Variants in LDLRAD3 observed in about 807,000 individuals in gnomAD.
LDLRAD3 encodes the protein low-density lipoprotein receptor class A domain-containing protein 3.
Under a neutral mutation model 29.4 loss-of-function variants are expected in LDLRAD3, and 20 were observed. The observed-to-expected ratio is 0.68, with a 90% confidence interval of 0.48 to 0.99. The LOEUF is 0.99. Among genes scored for constraint, LDLRAD3 ranks in the 50% least tolerant of loss-of-function variants. The pLI is 0.00. For missense variants in LDLRAD3, 420 were observed against 454.3 expected, an observed-to-expected ratio of 0.92 and a Z score of 0.69; for synonymous variants, 157 against 192.7, an observed-to-expected ratio of 0.81 and a Z score of 1.53.
chr11:36,051,555 A>G (rs1019117522), intron 2 of LDLRAD3, among the ~76,000 whole-genome samples: 1 of 152,186 alleles, frequency 6.6e-6, no homozygotes, highest in African/African-American at 2.4e-5. Context: ...CATTCAATAA[A>G]TGTTTGTTGC....
chr11:36,036,899 G>A (rs1383502218), intron 2 of LDLRAD3, among the ~76,000 whole-genome samples: 3 of 152,038 alleles, frequency 2.0e-5, no homozygotes, highest in African/African-American at 2.4e-5. Context: ...GTTTCATGAC[G>A]CCGAAACATG....
chr11:36,047,608 G>A (rs143595701), intron 2 of LDLRAD3, among the ~76,000 whole-genome samples: 45 of 152,304 alleles, frequency 3.0e-4, no homozygotes, highest in African/African-American at 1.1e-3. Context: ...TGCACCATGT[G>A]TGTATGTTTT....
Position 35,944,775 on chromosome 11 carries a change from C to T in LDLRAD3, c.46+631C>T, listed in dbSNP as rs931061901. Among the ~76,000 whole-genome samples the T allele has an allele frequency of 2.0e-5, 3 of 152,220 alleles. No individual in the cohort carries two copies. The highest frequency in any genetic ancestry group is 4.8e-5 in the African/African-American group (2 of 41,464). On this transcript the variant is annotated intron_variant, in intron 1 of 5. Coordinates refer to ENST00000315571, the MANE Select transcript of LDLRAD3 (RefSeq NM_174902.4). This position sits in a 1 kb window ranked among gnomAD's most constrained non-coding sequence, Gnocchi z 4.9. The stretch of plus-strand genomic sequence containing the variant: ...GGAACCGAAGCTTTATTTAAGACGT[C>T]TGACCACCCTACTTGCCCCGCGATG...
chr11:36,025,448 G>A (rs1259503615), intron 1 of LDLRAD3, among the ~76,000 whole-genome samples: 2 of 150,762 alleles, frequency 1.3e-5, no homozygotes, highest in African/African-American at 4.9e-5. Context: ...GAGTGCAGTG[G>A]TGTGATCTCA....
In LDLRAD3 at chr11:36,213,910, C is replaced by CGA. The variant is rs1300723333; in HGVS notation, c.455-13174_455-13173insAG. ...ATCTAGTGTGAAGGGTCAGACTCTT[C>CGA]GTCCAGGTAAAAGGAAACTACAGAA... On this transcript the variant is annotated intron_variant, in intron 4 of 5. Coordinates refer to ENST00000315571, the MANE Select transcript of LDLRAD3 (RefSeq NM_174902.4). The surrounding 1 kb of genome is among the most constrained non-coding windows in gnomAD (Gnocchi z 4.1). Among the ~76,000 whole-genome samples, 3 of 152,172 alleles carry CGA rather than the reference C, an allele frequency of 2.0e-5. No individual in the cohort carries two copies. Among genetic ancestry groups the CGA allele is most frequent in the Non-Finnish European group, 2.9e-5 (2 of 68,030 alleles).
intron 2 of LDLRAD3, among the ~76,000 whole-genome samples, chr11:36,075,669 C>A (rs574704429): frequency 2.0e-5 from 3 of 152,308 alleles, no homozygotes; most frequent in African/African-American, 7.2e-5. Context: ...TGGTGACTTT[C>A]TGTTTCCTGC....
chr11:36,037,401 C>T (rs977329275), intron 2 of LDLRAD3, among the ~76,000 whole-genome samples: 2 of 152,136 alleles, frequency 1.3e-5, no homozygotes, highest in East Asian at 3.9e-4. Flanking sequence ...CTGCAACCCC[C>T]ACCTCCCGGG....
intron 4 of LDLRAD3, among the ~76,000 whole-genome samples, chr11:36,135,726 A>G (rs898592172): frequency 2.0e-5 from 3 of 152,154 alleles, no homozygotes; most frequent in Non-Finnish European, 4.4e-5. Flanking sequence ...CCTGGCCAAC[A>G]TGGTGAAACA....
intron 4 of LDLRAD3, among the ~76,000 whole-genome samples, chr11:36,148,255 G>A (rs1854226656): frequency 6.6e-6 from 1 of 152,106 alleles, no homozygotes; most frequent in African/African-American, 2.4e-5. Flanking sequence ...CCCAGTGATG[G>A]TCCTCTCCTT....
intron 4 of LDLRAD3, among the ~76,000 whole-genome samples, chr11:36,153,494 AC>A (rs150549227): frequency 0.031 from 4,699 of 151,576 alleles, 104 homozygotes; most frequent in Non-Finnish European, 0.048. Flanking sequence ...GTCAGTTGGC[AC>A]CCCTCCCTCT....
chr11:35,952,919 C>T (rs1170432549), intron 1 of LDLRAD3, among the ~76,000 whole-genome samples: 2 of 152,090 alleles, frequency 1.3e-5, no homozygotes, highest in Non-Finnish European at 2.9e-5. Context: ...TAATATGTTG[C>T]TCCAGAAAGA....
chr11:36,054,279 A>G (rs976087641), intron 2 of LDLRAD3, among the ~76,000 whole-genome samples: 6 of 152,212 alleles, frequency 3.9e-5, no homozygotes, highest in African/African-American at 1.4e-4. Context: ...TCTTATATTT[A>G]AGGCTGGCCT....
At chr11:36,153,667 T>G (rs895001589) in intron 4 of LDLRAD3, among the ~76,000 whole-genome samples, 2 of 152,182 alleles carry the variant, frequency 1.3e-5, no homozygotes, top group Non-Finnish European at 2.9e-5. Flanking sequence ...GCAATCCCAG[T>G]GACCCATTTC....
chr11:36,118,928 T>C (rs1853713141), intron 4 of LDLRAD3, among the ~76,000 whole-genome samples: 1 of 152,154 alleles, frequency 6.6e-6, no homozygotes, highest in African/African-American at 2.4e-5. Flanking sequence ...TTTATAGTGA[T>C]AGAGTTATAT....
intron 3 of LDLRAD3, among the ~76,000 whole-genome samples, chr11:36,090,494 A>G (rs1172339882): frequency 6.6e-6 from 1 of 152,172 alleles, no homozygotes; most frequent in East Asian, 1.9e-4. Flanking sequence ...ATCCACAGAA[A>G]GGTGGTGGTT....
chr11:36,093,180 C>A (rs1261901497), intron 3 of LDLRAD3, among the ~76,000 whole-genome samples: 1 of 152,078 alleles, frequency 6.6e-6, no homozygotes. Flanking sequence ...CTAGACTAGA[C>A]GTTCAAAAAT....
In LDLRAD3 at chr11:36,143,999, C is replaced by G. The variant is rs1590304144; in HGVS notation, c.454+45538C>G. On this transcript the variant is annotated intron_variant, in intron 4 of 5. Coordinates refer to ENST00000315571, the MANE Select transcript of LDLRAD3 (RefSeq NM_174902.4). ...GCCGAGCCGAAGCTGGACTGTACTG[C>G]TGCCATCTCGGCTCACTGCAACCTC... 1.2e-4 allele frequency among the ~76,000 whole-genome samples: 18 copies of G among 147,236 alleles called. No individual in the cohort carries two copies. In the South Asian group the frequency reaches 4.0e-3, roughly 33 times the overall value.
At chr11:36,100,302 A>T (rs1853427001) in intron 4 of LDLRAD3, among the ~76,000 whole-genome samples, 1 of 152,224 alleles carries the variant, frequency 6.6e-6, no homozygotes, top group Non-Finnish European at 1.5e-5. Flanking sequence ...CCTTTACACA[A>T]GATCAAATTT....
chr11:35,947,261 C>A (rs1304766120), intron 1 of LDLRAD3, among the ~76,000 whole-genome samples: 1 of 152,174 alleles, frequency 6.6e-6, no homozygotes, highest in Non-Finnish European at 1.5e-5. Context: ...GTAATCCCAG[C>A]ACTTTGGGAG....
Sources: gnomAD v4.1 joint callset for allele counts (sites outside exome capture counted in the v4.1 genomes callset) on GRCh38, gnomAD v4.1.1 for gene constraint, Gnocchi (gnomAD v3.1) non-coding constraint, MANE v1.5 for transcripts, NCBI Gene and HGNC (gene_info 2026-07-23, HGNC 2026-07-21) for gene names.